The following C9orf85 variants were observed in gnomAD, a reference collection of about 807,000 sequenced individuals.
The protein encoded by C9orf85 is chromosome 9 open reading frame 85, also known as uncharacterized protein C9orf85.
A neutral mutation model predicts 14.9 loss-of-function variants in C9orf85; 16 were observed. That is an observed-to-expected ratio of 1.08 (90% confidence interval 0.73 to 1.63). The LOEUF (loss-of-function observed/expected upper bound fraction) is 1.63. Among genes scored for constraint, C9orf85 ranks in the 40% most tolerant of loss-of-function variants. The probability of loss-of-function intolerance (pLI) is 0.00; values close to 1 mark genes in which losing one functional copy is unlikely to be tolerated. For synonymous variants in C9orf85, 45 were observed against 56.8 expected (o/e 0.79, Z 0.93); for missense variants, 172 against 186.1 (o/e 0.92, Z 0.44).
chr9:71,939,798 T>C (rs989122409), intron 1 of C9orf85, among the ~76,000 whole-genome samples: 2 of 152,254 alleles, frequency 1.3e-5, no homozygotes, highest in Admixed American at 6.5e-5. Flanking sequence ...AATCCAGAAA[T>C]AGACCTTACA....
intron 2 of C9orf85, among the ~76,000 whole-genome samples, chr9:71,966,198 T>G (rs1173427002): frequency 1.3e-5 from 2 of 152,226 alleles, no homozygotes; most frequent in Admixed American, 1.3e-4. Context: ...TCTATAAATT[T>G]GTTCTGACCA....
chr9:71,981,491 C>A (rs190320475), intron 3 of C9orf85, among the ~76,000 whole-genome samples: 51 of 152,318 alleles, frequency 3.3e-4, no homozygotes, highest in Non-Finnish European at 6.9e-4. Context: ...GAGTTGGAAG[C>A]TTTAGAAGGA....
chr9:71,950,330 T>C (rs1021655883), intron 2 of C9orf85, among the ~76,000 whole-genome samples: 1 of 151,862 alleles, frequency 6.6e-6, no homozygotes, highest in African/African-American at 2.4e-5. Context: ...ATTTGTCATT[T>C]GTTAGGGTTT....
Position 71,928,727 on chromosome 9 carries a change from A to G in C9orf85, c.102+16891A>G, listed in dbSNP as rs1827992937. On this transcript the variant is annotated intron_variant, in intron 1 of 3. Coordinates refer to ENST00000334731, the MANE Select transcript of C9orf85 (RefSeq NM_182505.5). ...AGTACCACTTATTTTCCTTCACACAAGGATGATTTGAGAATAAAATGAAAA... is the reference window on the plus strand; with the variant it reads ...AGTACCACTTATTTTCCTTCACACAGGGATGATTTGAGAATAAAATGAAAA... Among the ~76,000 whole-genome samples, 5 of 152,202 alleles carry G rather than the reference A, an allele frequency of 3.3e-5. No individual in the cohort carries two copies. The South Asian group carries it at 1.0e-3, about 31-fold the overall frequency.
chr9:71,911,922 T>A (rs755617562), intron 1 of C9orf85, 86 bp downstream of exon 1: 1 of 1,233,166 alleles, frequency 8.1e-7, no homozygotes, highest in Admixed American at 1.7e-5. Context: ...AGGAGTCGGC[T>A]GGGGCGAGTG....
intron 2 of C9orf85, among the ~76,000 whole-genome samples, chr9:71,956,281 G>A (rs566025269): frequency 1.7e-4 from 19 of 112,692 alleles, no homozygotes; most frequent in African/African-American, 5.6e-4. Flanking sequence ...ACAGAATTTC[G>A]CTCTTGTTGC....
At chr9:71,977,375 G>A (rs2132373774), downstream of C9orf85, among the ~76,000 whole-genome samples, 1 of 152,328 alleles carries the variant, frequency 6.6e-6, no homozygotes, top group East Asian at 1.9e-4. Flanking sequence ...ATGGCAAAAA[G>A]AGAAAGATCA....
intron 1 of C9orf85, among the ~76,000 whole-genome samples, chr9:71,917,877 C>T (rs372119320): frequency 6.6e-6 from 1 of 151,972 alleles, no homozygotes; most frequent in Admixed American, 6.6e-5. Flanking sequence ...AATAGGCAAA[C>T]AAACAAACAA....
At chr9:71,958,505 G>C (rs1348194899) in intron 2 of C9orf85, among the ~76,000 whole-genome samples, 2 of 151,682 alleles carry the variant, frequency 1.3e-5, no homozygotes, top group African/African-American at 4.8e-5. Flanking sequence ...CAGGTGATCC[G>C]CCCGCCTCAG....
At chr9:71,940,930 A>G (rs1277138007) in intron 1 of C9orf85, among the ~76,000 whole-genome samples, 1 of 152,218 alleles carries the variant, frequency 6.6e-6, no homozygotes, top group African/African-American at 2.4e-5. Flanking sequence ...CATTTACACA[A>G]CATGCTGGAA....
chr9:71,949,464 C>G (rs1452394937), intron 2 of C9orf85, among the ~76,000 whole-genome samples: 1 of 152,006 alleles, frequency 6.6e-6, no homozygotes, highest in Admixed American at 6.6e-5. Context: ...CGCGACAGAG[C>G]AAGACTCCAT....
chr9:71,963,281 G>T lies in C9orf85; in HGVS notation c.210-8224G>T, dbSNP rs1466255693. 2.0e-5 allele frequency among the ~76,000 whole-genome samples: 3 copies of T among 152,120 alleles called. No individual in the cohort carries two copies. In the East Asian group the frequency reaches 5.8e-4, roughly 29 times the overall value. ...TTTCAGAGATTACATTGTTACCGGG[G>T]GATCCTTGCTCCCAGAGCTCCCAAG... is the stretch of plus-strand genomic sequence containing the variant. On this transcript the variant is annotated intron_variant, in intron 2 of 3. Coordinates refer to ENST00000334731, the MANE Select transcript of C9orf85 (RefSeq NM_182505.5).
downstream of C9orf85, among the ~76,000 whole-genome samples, chr9:71,975,760 A>G (rs1822986939): frequency 1.3e-5 from 2 of 152,222 alleles, no homozygotes; most frequent in African/African-American, 4.8e-5. Context: ...TCAACCCAAG[A>G]GGCAGAGGTT....
chr9:71,915,618 A>T (rs1234402493), intron 1 of C9orf85, among the ~76,000 whole-genome samples: 1 of 152,264 alleles, frequency 6.6e-6, no homozygotes, highest in Non-Finnish European at 1.5e-5. Context: ...TACTGAAACA[A>T]TAGAGAAGTA....
At chr9:71,912,974 G>A (rs1199447818) in intron 1 of C9orf85, among the ~76,000 whole-genome samples, 1 of 152,050 alleles carries the variant, frequency 6.6e-6, no homozygotes, top group Non-Finnish European at 1.5e-5. Flanking sequence ...TTGACAACAG[G>A]GGCATATTAG....
intron 2 of C9orf85, among the ~76,000 whole-genome samples, chr9:71,969,060 G>A (rs916287261): frequency 4.6e-5 from 7 of 152,174 alleles, no homozygotes; most frequent in African/African-American, 7.2e-5. Flanking sequence ...CGGGAAGGTT[G>A]TTTACTGAAA....
rs144235144 is a variant in C9orf85 at position 71,924,507 on chromosome 9, T to G, written c.102+12671T>G. 3.3e-5 allele frequency among the ~76,000 whole-genome samples: 5 copies of G among 152,344 alleles called. No homozygotes were observed. In the East Asian group the frequency reaches 9.6e-4, roughly 29 times the overall value. On this transcript the variant is annotated intron_variant, in intron 1 of 3. Transcript: ENST00000334731. Reference sequence around the variant, plus strand: ...TTATGTATATGTAATAATTTTCAAATGATGGTCCATCAGCAGTAGAATTCA... The same window carrying G: ...TTATGTATATGTAATAATTTTCAAAGGATGGTCCATCAGCAGTAGAATTCA...
At chr9:71,941,282 A>C (rs1821921824) in intron 1 of C9orf85, among the ~76,000 whole-genome samples, 1 of 152,194 alleles carries the variant, frequency 6.6e-6, no homozygotes, top group Admixed American at 6.5e-5. Flanking sequence ...ACAGTACATT[A>C]ACATGGCCTC....
chr9:71,921,245 C>G (rs1827796022), intron 1 of C9orf85, among the ~76,000 whole-genome samples: 1 of 152,164 alleles, frequency 6.6e-6, no homozygotes, highest in South Asian at 2.1e-4. Context: ...AATCTCCTTC[C>G]CCTTAGGAGA....
Sources: allele counts gnomAD v4.1 joint callset (sites outside exome capture counted in the v4.1 genomes callset), GRCh38; gene constraint gnomAD v4.1.1; transcripts MANE v1.5; gene names NCBI Gene and HGNC (gene_info 2026-07-23, HGNC 2026-07-21).